The following GFRA1 variants were observed in gnomAD, a reference collection of about 807,000 sequenced individuals.
The protein encoded by GFRA1 is GDNF family receptor alpha-1.
A neutral mutation model predicts 51.6 loss-of-function variants in GFRA1; 16 were observed. The observed-to-expected ratio is 0.31, with a 90% CI of 0.21 to 0.47. The LOEUF (loss-of-function observed/expected upper bound fraction) is 0.47. GFRA1 is among the 20% of genes least tolerant of loss of function. The probability of loss-of-function intolerance (pLI) is 1.00; values close to 1 mark genes in which losing one functional copy is unlikely to be tolerated. For missense variants in GFRA1, 530 were observed against 594.3 expected (o/e 0.89, Z 1.13); for synonymous variants, 270 against 241.3 (o/e 1.12, Z -1.10).
chr10:116,087,028 G>A (rs1196766733), intron 9 of GFRA1, among the ~76,000 whole-genome samples: 1 of 152,170 alleles, frequency 6.6e-6, no homozygotes, highest in Non-Finnish European at 1.5e-5. Flanking sequence ...ATGTTGGCCA[G>A]GCGGTCACAA....
intron 4 of GFRA1, among the ~76,000 whole-genome samples, chr10:116,233,113 G>A (rs752617679): frequency 5.9e-5 from 9 of 151,896 alleles, no homozygotes; most frequent in Non-Finnish European, 1.3e-4. Flanking sequence ...GATCACTTGC[G>A]GTCAGGAGTT....
At chr10:116,114,002 G>A (rs1009877757) in intron 6 of GFRA1, among the ~76,000 whole-genome samples, 39 of 152,214 alleles carry the variant, frequency 2.6e-4, no homozygotes, top group African/African-American at 8.9e-4. Context: ...CCTATATGAC[G>A]AGCAACTCTG....
intron 4 of GFRA1, among the ~76,000 whole-genome samples, chr10:116,238,427 TAAAAC>T (rs1371303053): frequency 2.0e-5 from 3 of 152,190 alleles, no homozygotes; most frequent in Non-Finnish European, 2.9e-5. Context: ...GGGCCAGACT[TAAAAC>T]AACTCAGAAT....
chr10:116,203,589 A>G (rs1964504382), intron 5 of GFRA1, among the ~76,000 whole-genome samples: 1 of 152,218 alleles, frequency 6.6e-6, no homozygotes, highest in African/African-American at 2.4e-5. Context: ...CATGGGCACC[A>G]GCCCAAACAG....
chr10:116,125,267 T>C lies in GFRA1; in HGVS notation c.724A>G (p.Asn242Asp). ...CAGGAGTCCTGCAAATTCAAACAGT[T>C]GGGCTTCTCCCTCTCTTCATAGGAG... ...VCSYEEREKP[N>D]CLNLQDSCKT... is the part of the protein sequence containing the mutation. Residue 242 changes from asparagine (N) to aspartate (D), a missense_variant, in exon 6 of 11, where the codon AAC becomes GAC. Coordinates refer to ENST00000355422, the MANE Select transcript of GFRA1 (RefSeq NM_005264.8). 1 of 1,614,190 alleles carries C rather than the reference T, an allele frequency of 6.2e-7. No homozygotes were observed. The highest frequency in any genetic ancestry group is 8.5e-7 in the Non-Finnish European group (1 of 1,180,040).
In GFRA1 at chr10:116,093,496, C is replaced by T. The variant is rs568542160; in HGVS notation, c.1015+206G>A. ...TTGCTGGGTTCCCTGCTGCATTACA[C>T]GGGGTGGCCCACAAAAGGAGCTGGA... On this transcript the variant is annotated intron_variant, in intron 8 of 10. Coordinates refer to ENST00000355422, the MANE Select transcript of GFRA1 (RefSeq NM_005264.8). Among the ~76,000 whole-genome samples the T allele has an allele frequency of 1.5e-3, 231 of 152,216 alleles. 1 individual carries two copies. Among genetic ancestry groups the T allele is most frequent in the Non-Finnish European group, 4.9e-4 (33 of 68,016 alleles).
intron 5 of GFRA1, among the ~76,000 whole-genome samples, chr10:116,144,966 T>G (rs948772211): frequency 6.6e-6 from 1 of 151,466 alleles, no homozygotes; most frequent in Non-Finnish European, 1.5e-5. Flanking sequence ...CTGGTCAACA[T>G]GACAAAACCC....
At chr10:116,085,278 A>T (rs1956047695) in intron 9 of GFRA1, among the ~76,000 whole-genome samples, 1 of 152,158 alleles carries the variant, frequency 6.6e-6, no homozygotes, top group Non-Finnish European at 1.5e-5. Flanking sequence ...TCCAAGGGGG[A>T]AATCTATCTC....
chr10:116,218,031 G>A (rs970174118), intron 4 of GFRA1, among the ~76,000 whole-genome samples: 1 of 152,066 alleles, frequency 6.6e-6, no homozygotes, highest in African/African-American at 2.4e-5. Context: ...CCATTCAGAA[G>A]CCCCAAATCA....
chr10:116,217,063 A>G (rs765027537), intron 4 of GFRA1, among the ~76,000 whole-genome samples: 3 of 152,202 alleles, frequency 2.0e-5, no homozygotes, highest in Admixed American at 6.5e-5. Context: ...GGGGCCCATC[A>G]ATGCCTCCCT....
intron 5 of GFRA1, among the ~76,000 whole-genome samples, chr10:116,174,746 T>A (rs2134243344): frequency 6.6e-6 from 1 of 152,328 alleles, no homozygotes; most frequent in Middle Eastern, 3.4e-3. Context: ...ATTATTAATT[T>A]AAAAGGTTAT....
At chr10:116,138,735 G>A (rs1178855681) in intron 5 of GFRA1, among the ~76,000 whole-genome samples, 5 of 144,502 alleles carry the variant, frequency 3.5e-5, no homozygotes, top group South Asian at 2.2e-4. Context: ...AAGAACTGAC[G>A]GCTCAGCTGC....
At chr10:116,122,684 T>G (rs750162475) in intron 6 of GFRA1, among the ~76,000 whole-genome samples, 5 of 152,174 alleles carry the variant, frequency 3.3e-5, no homozygotes, top group African/African-American at 1.2e-4. Context: ...TCAATATGTG[T>G]GGGGGAGGTC....
intron 5 of GFRA1, among the ~76,000 whole-genome samples, chr10:116,202,708 C>G (rs921709360): frequency 6.6e-6 from 1 of 152,086 alleles, no homozygotes; most frequent in Non-Finnish European, 1.5e-5. Context: ...ACCATTAGAT[C>G]TCGTGAGAAC....
chr10:116,107,598 C>G (rs1218723005), intron 6 of GFRA1, among the ~76,000 whole-genome samples: 1 of 152,082 alleles, frequency 6.6e-6, no homozygotes, highest in East Asian at 1.9e-4. Flanking sequence ...ATCATACTCC[C>G]TAAACAGGTC....
intron 4 of GFRA1, among the ~76,000 whole-genome samples, chr10:116,227,862 C>T (rs910515872): frequency 1.1e-4 from 17 of 152,318 alleles, no homozygotes; most frequent in South Asian, 6.2e-4. Flanking sequence ...GGCCATGCAA[C>T]CTGCTCAGTA....
At chr10:116,189,017 G>C (rs1358639159) in intron 5 of GFRA1, among the ~76,000 whole-genome samples, 1 of 151,586 alleles carries the variant, frequency 6.6e-6, no homozygotes, top group African/African-American at 2.4e-5. Context: ...CACTTTGGGA[G>C]GCTGGGGCAG....
At chr10:116,099,196 C>T (rs947054913) in intron 6 of GFRA1, among the ~76,000 whole-genome samples, 2 of 152,134 alleles carry the variant, frequency 1.3e-5, no homozygotes, top group African/African-American at 4.8e-5. Flanking sequence ...TGAGTTGGTA[C>T]AATTTCAGGA....
At chr10:116,270,733 T>C (rs1163449728) in intron 3 of GFRA1, 89 bp downstream of exon 3, 2 of 1,060,038 alleles carry the variant, frequency 1.9e-6, no homozygotes, top group African/African-American at 3.1e-5. Flanking sequence ...GAGAAGTGAG[T>C]GGAGGATGAG....
Sources: allele counts gnomAD v4.1 joint callset (sites outside exome capture counted in the v4.1 genomes callset), GRCh38; gene constraint gnomAD v4.1.1; transcripts MANE v1.5; gene names NCBI Gene and HGNC (gene_info 2026-07-23, HGNC 2026-07-21).